The following MCC variants were observed in gnomAD, a reference collection of about 807,000 sequenced individuals.
MCC encodes colorectal mutant cancer protein.
Under a neutral mutation model 116.2 loss-of-function variants are expected in MCC, and 90 were observed. The ratio of observed to expected loss-of-function variants is 0.77; its 90% CI spans 0.65 to 0.92. The LOEUF (loss-of-function observed/expected upper bound fraction) is 0.92, where lower values mean the gene tolerates loss of function less well. MCC is among the 40% of genes least tolerant of loss of function. The probability of loss-of-function intolerance (pLI) is 0.00; values close to 1 mark genes in which losing one functional copy is unlikely to be tolerated. For synonymous variants in MCC, 578 were observed against 510.5 expected (o/e 1.13, Z -1.78); for missense variants, 1,516 against 1,312.2 (o/e 1.16, Z -2.40).
rs376416070 is a variant in MCC, at chr5:113,307,536, T to G, written c.627+32983A>C. On this transcript the variant is annotated intron_variant, in intron 3 of 18. Transcript: ENST00000408903. ...CTGAACTCATTTATTAGTTCTAACC[T>G]TTTGGTGTATTTCTTGGAATTTTCT... Among the ~76,000 whole-genome samples, 256 of 152,350 alleles carry G rather than the reference T, an allele frequency of 1.7e-3. 4 individuals carry two copies. The highest frequency in any genetic ancestry group is 5.8e-3 in the African/African-American group (242 of 41,594).
At chr5:113,096,125 G>A (rs185617988) in intron 8 of MCC, among the ~76,000 whole-genome samples, 2 of 152,310 alleles carry the variant, frequency 1.3e-5, no homozygotes, top group African/African-American at 2.4e-5. Flanking sequence ...AGCAGATGCC[G>A]GGCTTATCAC....
chr5:113,452,929 T>A (rs1341539642), intron 1 of MCC, among the ~76,000 whole-genome samples: 1 of 152,250 alleles, frequency 6.6e-6, no homozygotes, highest in East Asian at 1.9e-4. Flanking sequence ...TATTGTTAAT[T>A]TGGCTTAATA....
chr5:113,408,945 T>C (rs7725712), intron 1 of MCC, among the ~76,000 whole-genome samples: 26,070 of 152,096 alleles, frequency 0.17, 2,456 homozygotes, highest in Non-Finnish European at 0.22. Flanking sequence ...TTGAATGAAG[T>C]TTTCACAGCT....
At chr5:113,383,140 T>TC (rs1354713794) in intron 2 of MCC, among the ~76,000 whole-genome samples, 3 of 152,336 alleles carry the variant, frequency 2.0e-5, no homozygotes, top group African/African-American at 7.2e-5. Flanking sequence ...ATAAACAATT[T>TC]TTTTTCACAA....
intron 2 of MCC, among the ~76,000 whole-genome samples, chr5:113,346,882 T>G (rs1308679034): frequency 6.6e-6 from 1 of 151,912 alleles, no homozygotes; most frequent in Non-Finnish European, 1.5e-5. Context: ...GAAGCAGACT[T>G]CTCAGTGTAA....
At chr5:113,057,577 T>A (rs1227023419) in intron 14 of MCC, among the ~76,000 whole-genome samples, 1 of 152,136 alleles carries the variant, frequency 6.6e-6, no homozygotes, top group Non-Finnish European at 1.5e-5. Flanking sequence ...ATGAGGCAGC[T>A]CAAGGGAACT....
chr5:113,294,002 G>C (rs1873927), intron 3 of MCC, among the ~76,000 whole-genome samples: 1 of 151,946 alleles, frequency 6.6e-6, no homozygotes, highest in Non-Finnish European at 1.5e-5. Flanking sequence ...GGAAATAAAA[G>C]GGTGTATATA....
chr5:113,252,790 T>G (rs1440120690), intron 3 of MCC, among the ~76,000 whole-genome samples: 1 of 150,184 alleles, frequency 6.7e-6, no homozygotes, highest in African/African-American at 2.5e-5. Flanking sequence ...AGACTCCAGT[T>G]TCTATCTCCT....
chr5:113,461,694 T>A (rs1341213393), intron 1 of MCC, among the ~76,000 whole-genome samples: 2 of 147,116 alleles, frequency 1.4e-5, no homozygotes, highest in African/African-American at 5.2e-5. Context: ...TTTAATTTTT[T>A]AAAAAAGAAA....
intron 3 of MCC, among the ~76,000 whole-genome samples, chr5:113,193,158 C>T (rs1405358141): frequency 6.6e-6 from 1 of 152,188 alleles, no homozygotes; most frequent in East Asian, 1.9e-4. Flanking sequence ...TGACTCTTTG[C>T]TTCCGTTATG....
intron 13 of MCC, among the ~76,000 whole-genome samples, chr5:113,066,671 CAA>C (rs2150231309): frequency 6.6e-6 from 1 of 152,276 alleles, no homozygotes; most frequent in South Asian, 2.1e-4. Context: ...GTGTTCAGTG[CAA>C]AAGTGAGCCC....
At chr5:113,380,864 G>T (rs1176274512) in intron 2 of MCC, among the ~76,000 whole-genome samples, 2 of 152,214 alleles carry the variant, frequency 1.3e-5, no homozygotes, top group African/African-American at 4.8e-5. Flanking sequence ...GAAGGCCAGT[G>T]TGACTGTGGC....
chr5:113,406,954 G>A (rs1769853236), intron 1 of MCC, among the ~76,000 whole-genome samples: 1 of 152,110 alleles, frequency 6.6e-6, no homozygotes, highest in African/African-American at 2.4e-5. Context: ...ATCAATTGTA[G>A]CAGAATAGAT....
chr5:113,035,936 A>G (rs1324402134), intron 17 of MCC, among the ~76,000 whole-genome samples: 1 of 151,642 alleles, frequency 6.6e-6, no homozygotes, highest in Non-Finnish European at 1.5e-5. Context: ...AGTCCTTTAT[A>G]AGGATAACAT....
chr5:113,216,236 C>T (rs1293797624), intron 3 of MCC, among the ~76,000 whole-genome samples: 2 of 152,198 alleles, frequency 1.3e-5, no homozygotes, highest in African/African-American at 4.8e-5. Context: ...AAAATGTCTG[C>T]CAACCCTTGC....
At chr5:113,103,419 C>T (rs1420825171) in intron 7 of MCC, among the ~76,000 whole-genome samples, 1 of 152,168 alleles carries the variant, frequency 6.6e-6, no homozygotes, top group Non-Finnish European at 1.5e-5. Flanking sequence ...AATATAGGGC[C>T]CAGGAGATTC....
chr5:113,271,442 GATCAGTC>G (rs1461800589), intron 3 of MCC, among the ~76,000 whole-genome samples: 19 of 152,312 alleles, frequency 1.2e-4, no homozygotes, highest in African/African-American at 4.3e-4. Context: ...GGTTCCTTAT[GATCAGTC>G]ATCCTTACTT....
At chr5:113,084,071 T>C (rs1411628177) in intron 10 of MCC, 30 bp downstream of exon 10, 8 of 1,582,080 alleles carry the variant, frequency 5.1e-6, no homozygotes, top group South Asian at 1.1e-5. Flanking sequence ...TGCCGGGTAC[T>C]TTCTTGCCTT....
At chr5:113,220,478 CCATTT>C (rs1170286650) in intron 3 of MCC, among the ~76,000 whole-genome samples, 2 of 152,052 alleles carry the variant, frequency 1.3e-5, no homozygotes, top group African/African-American at 4.8e-5. Flanking sequence ...GCAGCTTGCT[CCATTT>C]ATTTAGATCA....
Sources: gnomAD v4.1 joint callset for allele counts (sites outside exome capture counted in the v4.1 genomes callset) on GRCh38, gnomAD v4.1.1 for gene constraint, MANE v1.5 for transcripts, NCBI Gene and HGNC (gene_info 2026-07-23, HGNC 2026-07-21) for gene names.